ADGRL2: variants seen among roughly 807,000 people sequenced by gnomAD.
ADGRL2 encodes adhesion G protein-coupled receptor L2.
In ADGRL2, 44 loss-of-function variants were observed where a neutral mutation model predicts 157.4. The ratio of observed to expected loss-of-function variants is 0.28; its 90% CI spans 0.22 to 0.36. The LOEUF (loss-of-function observed/expected upper bound fraction) is 0.36. Ranked by LOEUF, ADGRL2 falls within the 10% of genes least tolerant of loss-of-function variation. The pLI is 1.00. For missense variants in ADGRL2, 1,510 were observed against 1,768.9 expected (o/e 0.85, Z 2.63); for synonymous variants, 585 against 624.7 (o/e 0.94, Z 0.95).
rs74096342 is a variant in ADGRL2, at chr1:81,407,821, G to A, written c.-301-37215G>A. 5.2e-3 allele frequency among the ~76,000 whole-genome samples: 797 copies of A among 152,270 alleles called. 9 individuals are homozygous for A. Among genetic ancestry groups the A allele is most frequent in the African/African-American group, 0.018 (764 of 41,544 alleles). On this transcript the variant is annotated intron_variant, in intron 1 of 24. Coordinates refer to the ADGRL2 transcript ENST00000370721. ...GAAGGAGAAAAGAAGGGAGAGGGAG[G>A]AGCCAGAGGGTTGAAGGGGGGCTGT...
Position 81,980,850 on chromosome 1 carries a change from A to AC in ADGRL2, c.3113+893dup, listed in dbSNP as rs1442044272. The AC allele has an allele frequency of 5.9e-6, 4 of 680,134 alleles. No individual in the cohort carries two copies. In the South Asian group the frequency reaches 7.1e-5, roughly 12 times the overall value. The allele number at this position is 680,134 out of a possible 1,614,324, so 42.1% of individuals were successfully genotyped here. On this transcript the variant is annotated intron_variant, in intron 18 of 23. Coordinates refer to ENST00000686636, the MANE Select transcript of ADGRL2 (RefSeq NM_001366006.2). ...TACGGACTTACCTGGGTAAGGTAGA[A>AC]CCCTACATTAACAAATTTATGGCAT...
upstream of ADGRL2, among the ~76,000 whole-genome samples, chr1:81,695,726 C>T (rs1268347284): frequency 6.6e-6 from 1 of 151,404 alleles, no homozygotes; most frequent in Non-Finnish European, 1.5e-5. Flanking sequence ...GAGGCTGAGG[C>T]AGGAGAATCG....
chr1:81,439,885 T>A (rs1239947650), intron 1 of ADGRL2, among the ~76,000 whole-genome samples: 1 of 152,194 alleles, frequency 6.6e-6, no homozygotes, highest in South Asian at 2.1e-4. Context: ...TGAGGTCACA[T>A]AAACAGTTGA....
chr1:81,638,963 A>G (rs987539404), intron 3 of ADGRL2, among the ~76,000 whole-genome samples: 1 of 152,202 alleles, frequency 6.6e-6, no homozygotes, highest in African/African-American at 2.4e-5. Context: ...GTGATCACCC[A>G]CTGCGCTTCA....
In ADGRL2 at chr1:81,951,164, C is replaced by T. The variant is rs780783645; in HGVS notation, c.1608+43C>T. The T allele has an allele frequency of 8.8e-6, 11 of 1,249,474 alleles. No individual in the cohort carries two copies. The South Asian group carries it at 1.3e-4, about 15-fold the overall frequency. The allele number at this position is 1,249,474 out of a possible 1,614,324, so 77.4% of individuals were successfully genotyped here. On this transcript the variant is annotated intron_variant, in intron 8 of 23. Transcript: ENST00000686636. ...AATATGACACATTGGTGATTTAGGG[C>T]ATTAACTTCTAACATAAATAATTTA...
intron 3 of ADGRL2, among the ~76,000 whole-genome samples, chr1:81,924,113 T>A (rs985568114): frequency 1.3e-5 from 2 of 152,222 alleles, no homozygotes; most frequent in East Asian, 3.9e-4. Context: ...ATTGGCTTTC[T>A]GTATACCACC....
intron 3 of ADGRL2, among the ~76,000 whole-genome samples, chr1:81,671,521 T>C (rs1570791250): frequency 2.0e-5 from 3 of 149,244 alleles, no homozygotes; most frequent in Admixed American, 2.0e-4. Context: ...GAAATTCCTT[T>C]TTTTTTTTTT....
chr1:81,899,936 T>C (rs1405859955), intron 2 of ADGRL2, among the ~76,000 whole-genome samples: 1 of 152,130 alleles, frequency 6.6e-6, no homozygotes, highest in Non-Finnish European at 1.5e-5. Context: ...TACAACTCTG[T>C]CCCCAAACCT....
At chr1:81,406,113 G>A (rs2076849838) in intron 1 of ADGRL2, among the ~76,000 whole-genome samples, 2 of 152,248 alleles carry the variant, frequency 1.3e-5, no homozygotes, top group Non-Finnish European at 2.9e-5. Flanking sequence ...AGAACAAGAG[G>A]AGGTACACTC....
chr1:81,686,270 CTTT>C (rs1158799814), intron 3 of ADGRL2, among the ~76,000 whole-genome samples: 1 of 152,026 alleles, frequency 6.6e-6, no homozygotes, highest in African/African-American at 2.4e-5. Flanking sequence ...TGATCCTGGA[CTTT>C]TTGTGTTAGT....
intron 2 of ADGRL2, among the ~76,000 whole-genome samples, chr1:81,769,189 G>GT: frequency 6.6e-6 from 1 of 152,150 alleles, no homozygotes; most frequent in South Asian, 2.1e-4. Flanking sequence ...TTTGTGCATT[G>GT]TTTTTTCATT....
At chr1:81,591,805 G>A (rs939017270) in intron 3 of ADGRL2, among the ~76,000 whole-genome samples, 15 of 152,124 alleles carry the variant, frequency 9.9e-5, no homozygotes, top group African/African-American at 1.7e-4. Context: ...GGCCTTCAGC[G>A]AATAGTTGAC....
chr1:81,840,799 G>T (rs2092545523), intron 2 of ADGRL2, among the ~76,000 whole-genome samples: 2 of 152,048 alleles, frequency 1.3e-5, no homozygotes, highest in African/African-American at 4.8e-5. Context: ...GACCAAACTT[G>T]CAAAATATTT....
chr1:81,536,897 C>T (rs1251918448), intron 2 of ADGRL2, among the ~76,000 whole-genome samples: 1 of 152,074 alleles, frequency 6.6e-6, no homozygotes, highest in Non-Finnish European at 1.5e-5. Flanking sequence ...ACTGCATAAG[C>T]GTATTTGGTC....
intron 10 of ADGRL2, among the ~76,000 whole-genome samples, chr1:81,955,147 A>T (rs1653086613): frequency 6.6e-6 from 1 of 152,202 alleles, no homozygotes; most frequent in Non-Finnish European, 1.5e-5. Flanking sequence ...GGTGTTTATG[A>T]AGACTTGATT....
At chr1:81,762,687 T>G (rs1270217413) in intron 2 of ADGRL2, among the ~76,000 whole-genome samples, 1 of 152,062 alleles carries the variant, frequency 6.6e-6, no homozygotes, top group Non-Finnish European at 1.5e-5. Flanking sequence ...ACTACATACA[T>G]TACATGTTGT....
intron 2 of ADGRL2, among the ~76,000 whole-genome samples, chr1:81,470,407 C>T (rs1002659687): frequency 2.0e-5 from 3 of 152,134 alleles, no homozygotes; most frequent in African/African-American, 7.2e-5. Flanking sequence ...CAGATTCTAC[C>T]CCCAACTGCT....
At chr1:81,485,905 C>T (rs1306427111) in intron 2 of ADGRL2, among the ~76,000 whole-genome samples, 1 of 152,156 alleles carries the variant, frequency 6.6e-6, no homozygotes, top group Non-Finnish European at 1.5e-5. Flanking sequence ...CGGACTTAAC[C>T]TCCACAAGAT....
chr1:81,889,305 A>G (rs2094204904), intron 2 of ADGRL2, among the ~76,000 whole-genome samples: 1 of 152,240 alleles, frequency 6.6e-6, no homozygotes, highest in Admixed American at 6.5e-5. Flanking sequence ...CTTGAAGTAA[A>G]TTAAAAGTGC....
Sources: gnomAD v4.1 joint callset for allele counts (sites outside exome capture counted in the v4.1 genomes callset) on GRCh38, gnomAD v4.1.1 for gene constraint, MANE v1.5 for transcripts, NCBI Gene and HGNC (gene_info 2026-07-23, HGNC 2026-07-21) for gene names.